The following IGF1R variants were observed in gnomAD, a reference collection of about 807,000 sequenced individuals.
IGF1R encodes the protein insulin like growth factor 1 receptor, also known as insulin-like growth factor 1 receptor.
Under a neutral mutation model 144.6 loss-of-function variants are expected in IGF1R, and 44 were observed. The ratio of observed to expected loss-of-function variants is 0.30; its 90% CI spans 0.24 to 0.39. The LOEUF (loss-of-function observed/expected upper bound fraction) is 0.39. Ranked by LOEUF, IGF1R falls within the 10% of genes least tolerant of loss-of-function variation. The probability of loss-of-function intolerance (pLI) is 1.00; values close to 1 mark genes in which losing one functional copy is unlikely to be tolerated. For synonymous variants in IGF1R, 795 were observed against 722.8 expected (o/e 1.10, Z -1.60); for missense variants, 1,355 against 1,833.7 (o/e 0.74, Z 4.77).
At chr15:98,900,473 A>G (rs2014425807) in intron 5 of IGF1R, 1 of 152,310 alleles carries the variant, frequency 6.6e-6, no homozygotes, top group Non-Finnish European at 1.5e-5. Context: ...TTGCTGATTT[A>G]TCTGCCCCAA....
intron 2 of IGF1R, among the ~76,000 whole-genome samples, chr15:98,837,540 T>G (rs970235506): frequency 2.0e-5 from 3 of 151,976 alleles, no homozygotes; most frequent in African/African-American, 7.3e-5. Flanking sequence ...TTCACCAATT[T>G]TTAAATTTTT....
At chr15:98,740,754 TA>T (rs1329235422) in intron 2 of IGF1R, among the ~76,000 whole-genome samples, 1 of 152,174 alleles carries the variant, frequency 6.6e-6, no homozygotes, top group Non-Finnish European at 1.5e-5. Flanking sequence ...CTGCACATGT[TA>T]AAAACATTCT....
intron 3 of IGF1R, 60 bp from the exon 4 acceptor site, chr15:98,896,697 T>A (rs2014214279): frequency 1.2e-5 from 19 of 1,538,806 alleles, no homozygotes; most frequent in Non-Finnish European, 1.4e-5. Flanking sequence ...ATGGTTTTTT[T>A]AATGCAAGAA....
chr15:98,760,838 C>T (rs879590306), intron 2 of IGF1R, among the ~76,000 whole-genome samples: 1 of 152,188 alleles, frequency 6.6e-6, no homozygotes, highest in Non-Finnish European at 1.5e-5. Context: ...ACCCATCCTT[C>T]GATACAGACC....
At chr15:98,832,162 C>T (rs1407360310) in intron 2 of IGF1R, among the ~76,000 whole-genome samples, 1 of 152,022 alleles carries the variant, frequency 6.6e-6, no homozygotes, top group African/African-American at 2.4e-5. Flanking sequence ...GTCTTCTGTC[C>T]CTCTACTTCT....
At position 98,860,110 on chromosome 15, in the gene IGF1R, T is replaced by G. The variant is rs576746264; in HGVS notation, c.641-31215T>G. Reference sequence around the variant, plus strand: ...TTTGTATTTTTAGTAGAGACGGGGTTTCGCCATGTTGGCCAGGCTGGAGTT... The same window carrying G: ...TTTGTATTTTTAGTAGAGACGGGGTGTCGCCATGTTGGCCAGGCTGGAGTT... On this transcript the variant is annotated intron_variant, in intron 2 of 20. Coordinates refer to ENST00000650285, the MANE Select transcript of IGF1R (RefSeq NM_000875.5). Among the ~76,000 whole-genome samples the G allele has an allele frequency of 5.3e-5, 8 of 152,360 alleles. No homozygotes were observed. The South Asian group carries it at 1.0e-3, about 20-fold the overall frequency.
At chr15:98,795,440 A>T (rs2056218822) in intron 2 of IGF1R, among the ~76,000 whole-genome samples, 1 of 136,494 alleles carries the variant, frequency 7.3e-6, no homozygotes, top group African/African-American at 2.8e-5. Flanking sequence ...TTTGAGATGG[A>T]GTCTCACTCT....
chr15:98,764,386 A>G (rs955226588), intron 2 of IGF1R, among the ~76,000 whole-genome samples: 4 of 152,196 alleles, frequency 2.6e-5, no homozygotes, highest in African/African-American at 7.2e-5. Flanking sequence ...AAAGAGGGGA[A>G]CTTTTAGAAA....
At chr15:98,797,947 A>G (rs987715184) in intron 2 of IGF1R, among the ~76,000 whole-genome samples, 15 of 152,228 alleles carry the variant, frequency 9.9e-5, no homozygotes, top group Non-Finnish European at 4.4e-5. Flanking sequence ...AAGAGGGGAC[A>G]TTTGCCCTGC....
intron 2 of IGF1R, among the ~76,000 whole-genome samples, chr15:98,756,252 T>G (rs897690826): frequency 1.4e-5 from 2 of 140,224 alleles, no homozygotes; most frequent in Admixed American, 7.6e-5. Context: ...ATAACCTGTT[T>G]TTTTTTTTTT....
At chr15:98,649,759 A>C (rs1052647675) in intron 1 of IGF1R, 84 bp downstream of exon 1, 22 of 1,055,614 alleles carry the variant, frequency 2.1e-5, no homozygotes, top group Non-Finnish European at 3.2e-5. Context: ...CCGAGTTGCC[A>C]CCGTCGCAGC....
At chr15:98,900,131 GT>G (rs1210212343) in intron 5 of IGF1R, among the ~76,000 whole-genome samples, 1 of 152,172 alleles carries the variant, frequency 6.6e-6, no homozygotes, top group Admixed American at 6.5e-5. Context: ...TTATTGATTA[GT>G]TTACAGGATT....
intron 2 of IGF1R, among the ~76,000 whole-genome samples, chr15:98,790,375 G>A (rs1227352268): frequency 1.3e-5 from 2 of 152,198 alleles, no homozygotes; most frequent in Non-Finnish European, 2.9e-5. Flanking sequence ...CCTTGGTAGG[G>A]CAGTGCCAGA....
At chr15:98,803,639 G>A (rs571318715) in intron 2 of IGF1R, among the ~76,000 whole-genome samples, 20 of 152,036 alleles carry the variant, frequency 1.3e-4, no homozygotes, top group Non-Finnish European at 2.2e-4. Flanking sequence ...CTGAGTAGCC[G>A]GGACTAGACG....
chr15:98,670,368 T>C lies in IGF1R; in HGVS notation c.94+20693T>C, dbSNP rs45537735. 7.4e-4 allele frequency among the ~76,000 whole-genome samples: 112 copies of C among 152,084 alleles called. 1 individual carries two copies. The highest frequency in any genetic ancestry group is 2.6e-3 in the African/African-American group (109 of 41,468). ...TCTTGGCATCAGAACTTTAAAAATG[T>C]ATTTTGGGGCTGGAAGCAAGGCTGG... On this transcript the variant is annotated intron_variant, in intron 1 of 20. Coordinates refer to ENST00000650285, the MANE Select transcript of IGF1R (RefSeq NM_000875.5).
At chr15:98,738,535 C>T (rs2054665246) in intron 2 of IGF1R, among the ~76,000 whole-genome samples, 1 of 152,110 alleles carries the variant, frequency 6.6e-6, no homozygotes, top group African/African-American at 2.4e-5. Context: ...GACTCTGCCC[C>T]AAAGCAAGAT....
At chr15:98,703,993 C>G (rs1300249246) in intron 1 of IGF1R, among the ~76,000 whole-genome samples, 4 of 152,180 alleles carry the variant, frequency 2.6e-5, no homozygotes, top group Non-Finnish European at 4.4e-5. Flanking sequence ...AAATTCCACA[C>G]CTGACCTCAT....
In IGF1R at chr15:98,964,209, A is replaced by G. The variant is rs1265054629; in HGVS notation, c.*6767A>G. 1 of 232,804 alleles carries G rather than the reference A, an allele frequency of 4.3e-6. No individual in the cohort carries two copies. The highest frequency in any genetic ancestry group is 6.1e-5 in the East Asian group (1 of 16,400). 14.4% of individuals were successfully genotyped at this position (232,804 alleles called of 1,614,324 possible). On this transcript the variant is annotated 3_prime_UTR_variant, in exon 21 of 21. Coordinates refer to ENST00000650285, the MANE Select transcript of IGF1R (RefSeq NM_000875.5). ...ATTTTCTGAGTTTTCTTGTTAAAAA[A>G]AAATTTTTTTAAGTAAGAAAAAAAA... is the stretch of plus-strand genomic sequence containing the variant.
intron 1 of IGF1R, among the ~76,000 whole-genome samples, chr15:98,665,883 T>C (rs1434535710): frequency 6.6e-6 from 1 of 151,746 alleles, no homozygotes; most frequent in Non-Finnish European, 1.5e-5. Flanking sequence ...GAATTCAAGG[T>C]TAGTCCTGTT....
Sources: allele counts gnomAD v4.1 joint callset (sites outside exome capture counted in the v4.1 genomes callset), GRCh38; gene constraint gnomAD v4.1.1; transcripts MANE v1.5; gene names NCBI Gene and HGNC (gene_info 2026-07-23, HGNC 2026-07-21).